LHFPL2: variants seen among roughly 807,000 people sequenced by gnomAD.
The protein encoded by LHFPL2 is LHFPL tetraspan subfamily member 2 protein.
Under a neutral mutation model 17.5 loss-of-function variants are expected in LHFPL2, and 7 were observed. The ratio of observed to expected loss-of-function variants is 0.40; its 90% confidence interval spans 0.23 to 0.75. LHFPL2 has a LOEUF of 0.75. LHFPL2 is among the 30% of genes least tolerant of loss of function. The pLI is 0.37. For missense variants in LHFPL2, 241 were observed against 294.8 expected (o/e 0.82, Z 1.34); for synonymous variants, 134 against 116.2 (o/e 1.15, Z -0.99).
chr5:78,606,271 C>T (rs763457463), intron 2 of LHFPL2, among the ~76,000 whole-genome samples: 8 of 152,182 alleles, frequency 5.3e-5, no homozygotes, highest in African/African-American at 1.2e-4. Flanking sequence ...AATGCCTAAG[C>T]GACCATCTGG....
In LHFPL2 at chr5:78,509,998, C is replaced by G. The variant is rs1442090258; in HGVS notation, c.216G>C (p.Gly72=). The change falls in exon 4 of 5, where the codon GGG becomes GGC. Residue 72 remains glycine, a synonymous_variant. Transcript: ENST00000380345. ...GCGTGTCCCGCTGGAAGTGCTGCAC[C>G]CCTGGGTTCCGGATGCAGCGGGCGT... ...GIYARCIRNP[G]VQHFQRDTLC... is the part of the protein sequence containing the mutation. 2 of 1,613,482 alleles carry G rather than the reference C, an allele frequency of 1.2e-6. No individual in the cohort carries two copies. Among genetic ancestry groups the G allele is most frequent in the East Asian group, 4.5e-5 (2 of 44,856 alleles).
At chr5:78,616,806 A>G (rs115580580) in intron 2 of LHFPL2, among the ~76,000 whole-genome samples, 2,467 of 152,266 alleles carry the variant, frequency 0.016, 73 homozygotes, top group African/African-American at 0.056. Context: ...CAGCCCTGAC[A>G]ACCTGGACTG....
intron 3 of LHFPL2, among the ~76,000 whole-genome samples, chr5:78,563,146 G>A (rs1375418732): frequency 8.5e-5 from 13 of 152,170 alleles, no homozygotes; most frequent in Admixed American, 8.5e-4. Flanking sequence ...AGAACTCTAT[G>A]AGCACAAACC....
chr5:78,579,490 C>T (rs557034875), intron 2 of LHFPL2, among the ~76,000 whole-genome samples: 15 of 152,162 alleles, frequency 9.9e-5, no homozygotes, highest in Non-Finnish European at 1.3e-4. Context: ...TAACCCTCCC[C>T]CCTTCCCCGA....
At chr5:78,561,990 C>A (rs912157907) in intron 3 of LHFPL2, among the ~76,000 whole-genome samples, 1 of 152,198 alleles carries the variant, frequency 6.6e-6, no homozygotes, top group Admixed American at 6.5e-5. Context: ...GCAGGTATTA[C>A]CCTTGCCACT....
chr5:78,572,549 T>C (rs1757029584), intron 2 of LHFPL2, among the ~76,000 whole-genome samples: 2 of 151,368 alleles, frequency 1.3e-5, no homozygotes, highest in Admixed American at 1.3e-4. Context: ...CATATATATA[T>C]ACTAACTAAA....
rs146852158 is a variant in LHFPL2 at position 78,489,022 on chromosome 5, C to T, written c.562G>A (p.Ala188Thr). Residue 188 changes from alanine to threonine, a missense_variant, in exon 5 of 5, where the codon GCC becomes ACC. Coordinates refer to ENST00000380345, the MANE Select transcript of LHFPL2 (RefSeq NM_005779.3). ...DCSLGWAFYT[A>T]IGGTVLTFIC... Reference sequence around the variant, plus strand: ...AAAGTGAGGACTGTGCCCCCAATGGCGGTATAAAAGGCCCAGCCCAAGGAG... The same window carrying T: ...AAAGTGAGGACTGTGCCCCCAATGGTGGTATAAAAGGCCCAGCCCAAGGAG... The T allele has an allele frequency of 2.0e-3, 3,230 of 1,614,164 alleles. 10 individuals are homozygous for T. The highest frequency in any genetic ancestry group is 0.01 in the Middle Eastern group (62 of 6,062).
At position 78,486,277 on chromosome 5, in the gene LHFPL2, G is replaced by A. The variant is rs998346422; in HGVS notation, c.*2620C>T. 1 of 152,372 alleles carries A rather than the reference G, an allele frequency of 6.6e-6. No individual in the cohort carries two copies. The highest frequency in any genetic ancestry group is 1.9e-4 in the East Asian group (1 of 5,200). 9.4% of individuals were successfully genotyped at this position (152,372 alleles called of 1,614,324 possible). On this transcript the variant is annotated 3_prime_UTR_variant, in exon 5 of 5. Coordinates refer to ENST00000380345, the MANE Select transcript of LHFPL2 (RefSeq NM_005779.3). ...CACAGAATCCAAGGCAAATATTTCT[G>A]CCTCAGAGTTCATTGAGAAGCGCAG...
At chr5:78,538,028 C>T (rs186359175) in intron 3 of LHFPL2, among the ~76,000 whole-genome samples, 2 of 152,308 alleles carry the variant, frequency 1.3e-5, no homozygotes. Flanking sequence ...AGTACTTTCC[C>T]CCACTCAGCC....
At chr5:78,519,282 T>A (rs1404388623) in intron 3 of LHFPL2, among the ~76,000 whole-genome samples, 1 of 152,132 alleles carries the variant, frequency 6.6e-6, no homozygotes, top group Non-Finnish European at 1.5e-5. Context: ...TTTGAGGTGG[T>A]TAGGACAGAC....
chr5:78,613,815 T>G (rs1440727728), intron 2 of LHFPL2, among the ~76,000 whole-genome samples: 1 of 152,182 alleles, frequency 6.6e-6, no homozygotes, highest in Non-Finnish European at 1.5e-5. Flanking sequence ...TTGTATGATC[T>G]TAGTAAAGTT....
Position 78,487,374 on chromosome 5 carries a change from G to A in LHFPL2, c.*1523C>T, listed in dbSNP as rs1754283295. 1 of 152,202 alleles carries A rather than the reference G, an allele frequency of 6.6e-6. No homozygotes were observed. The highest frequency in any genetic ancestry group is 6.5e-5 in the Admixed American group (1 of 15,282). 9.4% of individuals were successfully genotyped at this position (152,202 alleles called of 1,614,324 possible). ...CTCTGAAGTCAGGGTTGTATAGCTG[G>A]TAGCACAATACCTTGTCCACAGAAG... On this transcript the variant is annotated 3_prime_UTR_variant, in exon 5 of 5. Transcript: ENST00000380345.
At chr5:78,508,973 TACCCCATTGGTTCAGG>T (rs1755019264) in intron 4 of LHFPL2, among the ~76,000 whole-genome samples, 2 of 152,226 alleles carry the variant, frequency 1.3e-5, no homozygotes, top group South Asian at 4.1e-4. Flanking sequence ...GACAGATTGT[TACCCCATTGGTTCAGG>T]ACTCACCTTT....
chr5:78,584,596 G>A (rs557447314), intron 2 of LHFPL2, among the ~76,000 whole-genome samples: 23 of 152,216 alleles, frequency 1.5e-4, no homozygotes, highest in African/African-American at 5.1e-4. Flanking sequence ...TAGGATGCTC[G>A]GGGGTCAGGG....
intron 3 of LHFPL2, among the ~76,000 whole-genome samples, chr5:78,522,863 A>G (rs1452431055): frequency 6.6e-6 from 1 of 152,228 alleles, no homozygotes; most frequent in Non-Finnish European, 1.5e-5. Flanking sequence ...GAAAACCAAG[A>G]TAAGGTTTTA....
intron 2 of LHFPL2, among the ~76,000 whole-genome samples, chr5:78,568,033 G>C (rs1262204811): frequency 6.6e-6 from 1 of 152,084 alleles, no homozygotes; most frequent in Non-Finnish European, 1.5e-5. Context: ...GACACTTCAG[G>C]ATCCTCTCAT....
At chr5:78,639,627 G>T (rs1745595986) in intron 1 of LHFPL2, among the ~76,000 whole-genome samples, 2 of 118,382 alleles carry the variant, frequency 1.7e-5, no homozygotes, top group African/African-American at 3.4e-5. Context: ...CGGACAGTTG[G>T]CCATTTTAAA....
At chr5:78,514,098 C>T (rs141248827) in intron 3 of LHFPL2, among the ~76,000 whole-genome samples, 17 of 152,284 alleles carry the variant, frequency 1.1e-4, no homozygotes, top group East Asian at 7.7e-4. Context: ...CACAGGGATA[C>T]GAGGCACAGC....
Position 78,488,453 on chromosome 5 carries a change from T to G in LHFPL2, c.*444A>C, listed in dbSNP as rs2112280635. 2 of 207,758 alleles carry G rather than the reference T, an allele frequency of 9.6e-6. No individual in the cohort carries two copies. The highest frequency in any genetic ancestry group is 1.8e-4 in the South Asian group (2 of 11,362). The allele number at this position is 207,758 out of a possible 1,614,324, so 12.9% of individuals were successfully genotyped here. A position where few individuals can be genotyped will look rare whatever the true frequency, so the allele number is the denominator to read the frequency against. On this transcript the variant is annotated 3_prime_UTR_variant, in exon 5 of 5. Transcript: ENST00000380345. ...TAGTTTTCTGTTCGTTGGAGACAAC[T>G]TGAAAGAACAGAGGAAAACAAGAAC...
Sources: allele counts gnomAD v4.1 joint callset (sites outside exome capture counted in the v4.1 genomes callset), GRCh38; gene constraint gnomAD v4.1.1; transcripts MANE v1.5; gene names NCBI Gene and HGNC (gene_info 2026-07-23, HGNC 2026-07-21).